The following TRPS1 variants were observed in gnomAD, a reference collection of about 807,000 sequenced individuals.
TRPS1 encodes transcriptional repressor GATA binding 1, also known as zinc finger transcription factor Trps1.
TRPS1 carries 6 observed loss-of-function variants against 101.2 expected under a neutral mutation model. The observed-to-expected ratio is 0.06, with a 90% CI of 0.03 to 0.12. The LOEUF is 0.12. Ranked by LOEUF, TRPS1 falls within the 10% of genes least tolerant of loss-of-function variation. The pLI is 1.00. For synonymous variants in TRPS1, 578 were observed against 589.8 expected, an observed-to-expected ratio of 0.98 and a Z score of 0.29; for missense variants, 1,363 against 1,567.0, an observed-to-expected ratio of 0.87 and a Z score of 2.20.
rs1161916592 is a variant in TRPS1, at chr8:115,533,436, G to GTTTTT, written c.2700+53560_2700+53564dup. On this transcript the variant is annotated intron_variant, in intron 5 of 6. Transcript: ENST00000395715. ...GGGGCCCGCTTCCCACATGTAATCT[G>GTTTTT]TTTTTTTTTTTTTTTTTTTTTTTCC... 9.4e-4 allele frequency among the ~76,000 whole-genome samples: 33 copies of GTTTTT among 34,986 alleles called. 5 individuals are homozygous for GTTTTT. The highest frequency in any genetic ancestry group is 1.5e-3 in the African/African-American group (14 of 9,620). The allele number at this position is 34,986 out of a possible 152,430, so 23.0% of individuals were successfully genotyped here. A position where few individuals can be genotyped will look rare whatever the true frequency, so the allele number is the denominator to read the frequency against.
chr8:115,604,917 C>G lies in TRPS1; in HGVS notation c.1052G>C (p.Cys351Ser). 4 of 1,613,998 alleles carry G rather than the reference C, an allele frequency of 2.5e-6. No homozygotes were observed. Among genetic ancestry groups the G allele is most frequent in the Non-Finnish European group, 3.4e-6 (4 of 1,179,960 alleles). Residue 351 changes from cysteine to serine, a missense_variant, in exon 4 of 7, where the codon TGC (cysteine) becomes TCC (serine). Around this residue, in one of 5 missense-constraint regions of TRPS1, gnomAD observed 1,020 missense variants for 1,073.0 expected, o/e 0.95. Transcript: ENST00000395715. This position sits in a 1 kb window ranked among gnomAD's most constrained non-coding sequence, Gnocchi z 4.1. The part of the protein sequence containing the change: ...GNTKYFRCKF[C>S]NFTYMGNSST... ...TGAGTTGCCCATATAAGTGAAATTG[C>G]AGAATTTACAGCGGAAATACTTGGT...
chr8:115,550,355 T>C (rs968588287), intron 5 of TRPS1, among the ~76,000 whole-genome samples: 2 of 152,210 alleles, frequency 1.3e-5, no homozygotes, highest in Admixed American at 1.3e-4. Flanking sequence ...AGTCAGATAC[T>C]GGTGGACTCT....
At chr8:115,475,765 C>G (rs933852330) in intron 5 of TRPS1, among the ~76,000 whole-genome samples, 3 of 152,128 alleles carry the variant, frequency 2.0e-5, no homozygotes, top group African/African-American at 7.2e-5. Flanking sequence ...AGGCTTCATA[C>G]TATCAATTAC....
chr8:115,455,722 A>AT (rs796721029), intron 5 of TRPS1, among the ~76,000 whole-genome samples: 1,929 of 140,798 alleles, frequency 0.014, 41 homozygotes, highest in African/African-American at 0.047. Flanking sequence ...CAAAGACAGA[A>AT]TTTTTTTTTT....
At chr8:115,479,932 T>C (rs1021123649) in intron 5 of TRPS1, among the ~76,000 whole-genome samples, 18 of 152,084 alleles carry the variant, frequency 1.2e-4, no homozygotes, top group African/African-American at 4.3e-4. Context: ...AGCTTCACAA[T>C]TCCCAGGTAG....
intron 5 of TRPS1, among the ~76,000 whole-genome samples, chr8:115,483,862 T>C (rs1814816302): frequency 6.6e-6 from 1 of 152,144 alleles, no homozygotes; most frequent in South Asian, 2.1e-4. Context: ...CCTCTAAAGA[T>C]GAGTAATTTT....
chr8:115,595,981 GATTT>G (rs1042027654), intron 4 of TRPS1, among the ~76,000 whole-genome samples: 11 of 151,704 alleles, frequency 7.3e-5, no homozygotes, highest in Admixed American at 3.3e-4. Context: ...ATAAGCAACT[GATTT>G]ATTAGGTATT....
intron 5 of TRPS1, among the ~76,000 whole-genome samples, chr8:115,436,152 CA>C (rs1813447732): frequency 6.6e-6 from 1 of 151,986 alleles, no homozygotes; most frequent in Admixed American, 6.6e-5. Flanking sequence ...GCAGAAAATA[CA>C]ACTCACATTG....
chr8:115,527,177 C>T (rs1816018670), intron 5 of TRPS1, among the ~76,000 whole-genome samples: 1 of 151,862 alleles, frequency 6.6e-6, no homozygotes, highest in African/African-American at 2.4e-5. Flanking sequence ...AGACTTCAGC[C>T]CTCAGCCTTT....
chr8:115,612,169 AG>A (rs1818184801), intron 3 of TRPS1, among the ~76,000 whole-genome samples: 1 of 151,866 alleles, frequency 6.6e-6, no homozygotes, highest in Non-Finnish European at 1.5e-5. Context: ...AAGAGGCCAA[AG>A]AGAGGAGGAA....
chr8:115,597,018 A>G (rs1324692778), intron 4 of TRPS1, among the ~76,000 whole-genome samples: 1 of 151,890 alleles, frequency 6.6e-6, no homozygotes, highest in East Asian at 1.9e-4. Context: ...AAAATTCTAC[A>G]AATAAATTAA....
Position 115,432,280 on chromosome 8 carries a change from G to A in TRPS1, c.2701-13828C>T, listed in dbSNP as rs1466404426. Among the ~76,000 whole-genome samples, 4 of 151,900 alleles carry A rather than the reference G, an allele frequency of 2.6e-5. No homozygotes were observed. In the East Asian group the frequency reaches 7.7e-4, roughly 29 times the overall value. ...ATTTATGCATAATTTTAAAACACGT[G>A]CAGTTACTACGTGCTTCAAAATGTT... is the stretch of plus-strand genomic sequence containing the variant. On this transcript the variant is annotated intron_variant, in intron 5 of 6. Coordinates refer to ENST00000395715, the MANE Select transcript of TRPS1 (RefSeq NM_014112.5).
At chr8:115,531,543 A>C (rs1816131613) in intron 5 of TRPS1, among the ~76,000 whole-genome samples, 1 of 152,174 alleles carries the variant, frequency 6.6e-6, no homozygotes, top group African/African-American at 2.4e-5. Context: ...ATTGGTAGAA[A>C]GGAAGACTGA....
chr8:115,551,900 C>T lies in TRPS1; in HGVS notation c.2700+35101G>A, dbSNP rs910920552. Among the ~76,000 whole-genome samples the T allele has an allele frequency of 5.3e-5, 8 of 152,248 alleles. No individual in the cohort carries two copies. In the Middle Eastern group the frequency reaches 0.01, roughly 194 times the overall value. ...AACATAGCAGAAAAGCAGGCCAGTC[C>T]GTCTGCTCTCACCTCCATGCAATGC... On this transcript the variant is annotated intron_variant, in intron 5 of 6. Transcript: ENST00000395715.
chr8:115,430,840 G>T (rs953509311), intron 5 of TRPS1, among the ~76,000 whole-genome samples: 2 of 151,464 alleles, frequency 1.3e-5, no homozygotes, highest in African/African-American at 4.9e-5. Context: ...TTTATAAGTG[G>T]GATTAAAACA....
At chr8:115,502,778 T>C (rs192171269) in intron 5 of TRPS1, among the ~76,000 whole-genome samples, 1 of 152,172 alleles carries the variant, frequency 6.6e-6, no homozygotes, top group Admixed American at 6.5e-5. Context: ...TATTTTGAAA[T>C]GGCATCTCAT....
chr8:115,575,444 T>C (rs992744657), intron 5 of TRPS1, among the ~76,000 whole-genome samples: 1 of 152,200 alleles, frequency 6.6e-6, no homozygotes, highest in Non-Finnish European at 1.5e-5. Flanking sequence ...TGTGTGTCTG[T>C]GTCCAGAAGT....
At chr8:115,629,231 C>T (rs1818583026) in intron 1 of TRPS1, among the ~76,000 whole-genome samples, 1 of 151,692 alleles carries the variant, frequency 6.6e-6, no homozygotes, top group Non-Finnish European at 1.5e-5. Flanking sequence ...ATGAAGAGGG[C>T]TGTTTTGAAG....
chr8:115,450,281 C>T (rs1813835791), intron 5 of TRPS1, among the ~76,000 whole-genome samples: 1 of 152,114 alleles, frequency 6.6e-6, no homozygotes, highest in Non-Finnish European at 1.5e-5. Context: ...AAGTGAATTC[C>T]AAACCCAATG....
Sources: allele counts gnomAD v4.1 joint callset (sites outside exome capture counted in the v4.1 genomes callset), GRCh38; gene constraint gnomAD v4.1.1; regional missense constraint gnomAD v4.1.1; non-coding constraint Gnocchi (gnomAD v3.1); transcripts MANE v1.5; gene names NCBI Gene and HGNC (gene_info 2026-07-23, HGNC 2026-07-21).